The following UCKL1 variants were observed in gnomAD, a reference collection of about 807,000 sequenced individuals.
UCKL1 encodes uridine-cytidine kinase-like 1.
Under a neutral mutation model 59.2 loss-of-function variants are expected in UCKL1, and 65 were observed. The observed-to-expected ratio is 1.10, with a 90% CI of 0.90 to 1.35. The LOEUF (loss-of-function observed/expected upper bound fraction) is 1.35, where lower values mean the gene tolerates loss of function less well. UCKL1 is among the 40% of genes most tolerant of loss of function. The probability of loss-of-function intolerance (pLI) is 0.00; values close to 1 mark genes in which losing one functional copy is unlikely to be tolerated. For synonymous variants in UCKL1, 410 were observed against 323.1 expected (o/e 1.27, Z -2.88); for missense variants, 703 against 784.3 (o/e 0.90, Z 1.24).
chr20:63,939,976 C>G lies in UCKL1; in HGVS notation c.1647G>C (p.Ter549TyrextTer16), dbSNP rs2053907185. 6.2e-7 allele frequency: 1 copy of G among 1,612,220 alleles called. No individual in the cohort carries two copies. Reference protein sequence around the residue: ...SDEEEVAYTG* With the variant: ...SDEEEVAYTGY ...GGGGACGGGATGGCTCACTGGGCAG[C>G]TAACCCGTGTAGGCCACTTCCTCCT... Residue 549 changes from the stop codon to tyrosine, a stop_lost, in exon 15 of 15, where the codon TAG becomes TAC. Transcript: ENST00000354216.
At position 63,946,526 on chromosome 20, in the gene UCKL1, A is replaced by G; in HGVS notation, c.231T>C (p.Arg77=). The part of the protein sequence containing the change: ...SEPPLLRTSK[R]TIYTAGRPPW... ...GCGGCCGCCCGGCGGTGTAGATGGTACGCTTGCTTGTACGCAGCAGGGGAG... is the reference window on the plus strand; with the variant it reads ...GCGGCCGCCCGGCGGTGTAGATGGTGCGCTTGCTTGTACGCAGCAGGGGAG... The change falls in exon 2 of 15, where the codon CGT becomes CGC. Residue 77 remains arginine (R), a synonymous_variant. Transcript: ENST00000354216. The G allele has an allele frequency of 6.2e-7, 1 of 1,606,230 alleles. No individual in the cohort carries two copies. The highest frequency in any genetic ancestry group is 8.5e-7 in the Non-Finnish European group (1 of 1,176,774).
chr20:63,950,373 G>A (rs373986487), intron 1 of UCKL1, among the ~76,000 whole-genome samples: 3 of 152,154 alleles, frequency 2.0e-5, no homozygotes, highest in East Asian at 1.9e-4. Flanking sequence ...TCAGCAGTTC[G>A]TGACCAGCCT....
intron 1 of UCKL1, chr20:63,954,765 C>G (rs2058282381): frequency 6.6e-6 from 1 of 152,296 alleles, no homozygotes; most frequent in Non-Finnish European, 1.5e-5. Context: ...CCCTTGGTAA[C>G]CACACCAAAG....
intron 8 of UCKL1, chr20:63,942,416 A>G (rs1601014520): frequency 8.5e-7 from 1 of 1,173,032 alleles, no homozygotes; most frequent in South Asian, 1.6e-5. Context: ...GCAGCGGGGC[A>G]AGGGGCTACG....
At chr20:63,950,513 A>G (rs902289989) in intron 1 of UCKL1, among the ~76,000 whole-genome samples, 16 of 152,216 alleles carry the variant, frequency 1.1e-4, no homozygotes, top group Admixed American at 7.2e-4. Context: ...TCTGGCCACA[A>G]CAACAAAAGG....
chr20:63,945,638 G>A lies in UCKL1; in HGVS notation c.654+13C>T, dbSNP rs2252258. 468,385 of 1,611,604 alleles carry A rather than the reference G, an allele frequency of 0.29. 70,416 individuals carry two copies. The highest frequency in any genetic ancestry group is 0.5 in the African/African-American group (37,215 of 74,932). On this transcript the variant is annotated intron_variant, in intron 5 of 14. Coordinates refer to ENST00000354216, the MANE Select transcript of UCKL1 (RefSeq NM_017859.4). ...AGATACCAGCGGGGTGGGTATTCCC[G>A]GCGGGTGCTTACCTCCAACAGTGTC...
At position 63,940,995 on chromosome 20, in the gene UCKL1, CA is replaced by C; in HGVS notation, c.1070del (p.Leu357ArgfsTer82). On this transcript the variant is annotated frameshift_variant, in exon 10 of 15. Coordinates refer to ENST00000354216, the MANE Select transcript of UCKL1 (RefSeq NM_017859.4). LOFTEE classifies it high-confidence loss of function. ...GCGCGTGCTCGATGAGCAGCCGCAT[CA>C]GTCTCTTGGAGTAGAAGATGAACTC... is the stretch of plus-strand genomic sequence containing the variant. ...RDEFIFYSKR[L>X]MRLLIEHALS... 6.5e-7 allele frequency: 1 copy of C among 1,537,704 alleles called. No individual in the cohort carries two copies. The highest frequency in any genetic ancestry group is 1.8e-4 in the Middle Eastern group (1 of 5,702).
Position 63,945,799 on chromosome 20 carries a change from G to C in UCKL1, c.582+6C>G, listed in dbSNP as rs2146521943. The stretch of plus-strand genomic sequence containing the variant: ...CCGAGGCCCCCTCTGCAGGGCCCTG[G>C]CCTACCCAGTCCTTCTTCCGGCTGT... On this transcript the variant is annotated splice_donor_region_variant and intron_variant, in intron 4 of 14. Transcript: ENST00000354216. 4 of 1,613,510 alleles carry C rather than the reference G, an allele frequency of 2.5e-6. No individual in the cohort carries two copies. Among genetic ancestry groups the C allele is most frequent in the Middle Eastern group, 3.3e-4 (2 of 6,062 alleles).
intron 1 of UCKL1, among the ~76,000 whole-genome samples, chr20:63,950,472 C>T (rs1055010906): frequency 2.0e-5 from 3 of 152,198 alleles, no homozygotes; most frequent in Non-Finnish European, 4.4e-5. Context: ...CAGCAAACCT[C>T]ACTTCCTGTG....
rs1326178949 is a variant in UCKL1 at position 63,940,643 on chromosome 20, C to T, written c.1253G>A (p.Arg418His). 1.2e-6 allele frequency: 2 copies of T among 1,610,174 alleles called. No homozygotes were observed. Among genetic ancestry groups the T allele is most frequent in the Middle Eastern group, 1.7e-4 (1 of 6,050 alleles). ...PALRAVCKDV[R>H]IGTILIQTNQ... ...GGTCTGGATGAGGATGGTGCCGATG[C>T]GCACGTCTTTGCACACAGCGCGCAG... The change falls in exon 12 of 15, where the codon CGC (arginine) becomes CAC (histidine). Residue 418 changes from arginine to histidine, a missense_variant. Arg to His is a conservative substitution (Grantham distance 29). Around this residue, in one of 4 missense-constraint regions of UCKL1, gnomAD observed 25 missense variants for 64.5 expected, o/e 0.39. Transcript: ENST00000354216.
At chr20:63,955,983 A>C (rs559389418) in intron 1 of UCKL1, 1 of 310,214 alleles carries the variant, frequency 3.2e-6, no homozygotes, top group African/African-American at 2.2e-5. Flanking sequence ...CGAGGGCCCC[A>C]CCCACCGGGG....
At chr20:63,946,773 G>C in intron 1 of UCKL1, 130 bp from the exon 2 acceptor site, 2 of 953,610 alleles carry the variant, frequency 2.1e-6, no homozygotes, top group South Asian at 1.6e-5. Flanking sequence ...AGGCTCATTG[G>C]GGGTACATAA....
At chr20:63,948,676 G>A (rs1569124532) in intron 1 of UCKL1, among the ~76,000 whole-genome samples, 14 of 133,612 alleles carry the variant, frequency 1.0e-4, no homozygotes, top group African/African-American at 3.6e-4. Context: ...AGAGGGAGGG[G>A]GTGTGTGTGA....
intron 2 of UCKL1, 75 bp from the exon 3 acceptor site, chr20:63,946,342 C>CCCGCTG (rs1293787042): frequency 1.3e-4 from 200 of 1,533,800 alleles, no homozygotes; most frequent in Non-Finnish European, 1.6e-4. Context: ...AGGTGCCCAT[C>CCCGCTG]CCGCTGCCGC....
At chr20:63,952,310 C>A (rs901959927) in intron 1 of UCKL1, among the ~76,000 whole-genome samples, 1 of 152,224 alleles carries the variant, frequency 6.6e-6, no homozygotes, top group Non-Finnish European at 1.5e-5. Context: ...GCTGCCCTAG[C>A]CGGCCAAGAG....
chr20:63,944,866 GGTGGGGAGGA>G (rs2055716350), intron 5 of UCKL1, 132 bp from the exon 6 acceptor site: 4 of 1,184,128 alleles, frequency 3.4e-6, no homozygotes, highest in East Asian at 5.0e-5. Flanking sequence ...CACCCTGGCA[GGTGGGGAGGA>G]GTGGGGAGGT....
chr20:63,956,358 C>G lies in UCKL1; in HGVS notation c.15G>C (p.Pro5=), dbSNP rs577014584. Residue 5 remains proline (P), a synonymous_variant, in exon 1 of 15, where the codon CCG becomes CCC. Transcript: ENST00000354216. ...GCGAAGGATCAGCGTCCGCGCGGGC[C>G]GGGGGCGCAGCCATGGCGCTCGGAG... MAAP[P]ARADADPSPT... is the part of the protein sequence containing the mutation. The G allele has an allele frequency of 6.5e-7, 1 of 1,531,228 alleles. No homozygotes were observed. Among genetic ancestry groups the G allele is most frequent in the Admixed American group, 2.0e-5 (1 of 49,062 alleles). 94.9% of individuals were successfully genotyped at this position (1,531,228 alleles called of 1,614,324 possible). A position where few individuals can be genotyped will look rare whatever the true frequency, so the allele number is the denominator to read the frequency against.
chr20:63,940,032 C>G lies in UCKL1; in HGVS notation c.1591G>C (p.Gly531Arg). 1 of 1,605,286 alleles carries G rather than the reference C, an allele frequency of 6.2e-7. No individual in the cohort carries two copies. Among genetic ancestry groups the G allele is most frequent in the South Asian group, 1.1e-5 (1 of 90,846 alleles). ...CTGCCATCGGGGACCGCGTCTGTCC[C>G]AAAGTAGCGGTCGCCAAAGTTCCCT... is the stretch of plus-strand genomic sequence containing the variant. Reference protein sequence around the residue: ...GIGNFGDRYFGTDAVPDGSDE... With the variant: ...GIGNFGDRYFRTDAVPDGSDE... Residue 531 changes from glycine (G) to arginine (R), a missense_variant, in exon 15 of 15, where the codon GGG (glycine) becomes CGG (arginine). By Grantham distance (125) the Gly-to-Arg change is moderately radical. Coordinates refer to ENST00000354216, the MANE Select transcript of UCKL1 (RefSeq NM_017859.4).
At chr20:63,951,248 C>G (rs898103631) in intron 1 of UCKL1, 2 of 975,058 alleles carry the variant, frequency 2.1e-6, no homozygotes, top group African/African-American at 3.5e-5. Context: ...GTGGCCCTGA[C>G]AATCCTCGGG....
Sources: allele counts gnomAD v4.1 joint callset (sites outside exome capture counted in the v4.1 genomes callset), GRCh38; gene constraint gnomAD v4.1.1; regional missense constraint gnomAD v4.1.1; transcripts MANE v1.5; gene names NCBI Gene and HGNC (gene_info 2026-07-23, HGNC 2026-07-21).